AKAP7: variants seen among roughly 807,000 people sequenced by gnomAD.
AKAP7 encodes the protein A-kinase anchoring protein 7, also known as A kinase (PRKA) anchor protein 7.
In AKAP7, 39 loss-of-function variants were observed where a neutral mutation model predicts 39.5. That is an observed-to-expected ratio of 0.99 (90% CI 0.76 to 1.29). AKAP7 has a LOEUF of 1.29. AKAP7 is among the 50% of genes most tolerant of loss of function. The pLI, the probability that AKAP7 is intolerant of heterozygous loss-of-function variation, is 0.00. For synonymous variants in AKAP7, 140 were observed against 139.1 expected (o/e 1.01, Z -0.05); for missense variants, 414 against 407.7 (o/e 1.02, Z -0.13).
upstream of AKAP7, among the ~76,000 whole-genome samples, chr6:131,131,555 A>G (rs1006055496): frequency 6.6e-6 from 1 of 151,582 alleles, no homozygotes; most frequent in African/African-American, 2.4e-5. Flanking sequence ...ATGCTTATAA[A>G]AGTTTTATTC....
chr6:131,151,708 T>A (rs975496651), intron 2 of AKAP7, among the ~76,000 whole-genome samples: 4 of 152,186 alleles, frequency 2.6e-5, no homozygotes, highest in Non-Finnish European at 5.9e-5. Context: ...ATTGTGCCAT[T>A]GTACTCTAGC....
At chr6:131,225,179 A>T (rs1447846762) in intron 7 of AKAP7, among the ~76,000 whole-genome samples, 1 of 152,192 alleles carries the variant, frequency 6.6e-6, no homozygotes, top group Non-Finnish European at 1.5e-5. Flanking sequence ...ATTTAAAAAA[A>T]TTCTGTGATT....
At chr6:131,252,791 C>T (rs577385893) in intron 7 of AKAP7, among the ~76,000 whole-genome samples, 23 of 152,232 alleles carry the variant, frequency 1.5e-4, no homozygotes, top group African/African-American at 4.8e-4. Flanking sequence ...CTCGATTGTA[C>T]CGTAACCTCC....
chr6:131,136,543 A>C (rs112133461), intron 1 of AKAP7, among the ~76,000 whole-genome samples: 1 of 152,246 alleles, frequency 6.6e-6, no homozygotes, highest in Non-Finnish European at 1.5e-5. Flanking sequence ...TAGGAAATGC[A>C]TGGGAATGGA....
chr6:131,164,131 G>GT (rs971053229), intron 3 of AKAP7, among the ~76,000 whole-genome samples: 4 of 152,274 alleles, frequency 2.6e-5, no homozygotes, highest in Admixed American at 2.6e-4. Context: ...TCATGAGTCA[G>GT]TTTTTTCTTA....
chr6:131,206,621 A>G (rs963908966), intron 6 of AKAP7, among the ~76,000 whole-genome samples: 3 of 152,184 alleles, frequency 2.0e-5, no homozygotes, highest in African/African-American at 7.2e-5. Flanking sequence ...CAGAACTAGA[A>G]TTGTAATGGA....
intron 5 of AKAP7, among the ~76,000 whole-genome samples, chr6:131,179,445 A>T (rs1804905610): frequency 6.6e-6 from 1 of 152,140 alleles, no homozygotes; most frequent in African/African-American, 2.4e-5. Flanking sequence ...AAGTGCTGAG[A>T]TTACAGGCGT....
chr6:131,258,429 A>G (rs992674584), intron 7 of AKAP7, among the ~76,000 whole-genome samples: 8 of 152,192 alleles, frequency 5.3e-5, no homozygotes, highest in African/African-American at 1.9e-4. Context: ...TCCATAGCTA[A>G]GTCACTGAGA....
At chr6:131,127,148 C>T in the AKAP7 span, among the ~76,000 whole-genome samples, 36 of 152,054 alleles carry the variant, frequency 2.4e-4, no homozygotes, top group African/African-American at 8.2e-4. Flanking sequence ...TGGATGCAAG[C>T]GATTTTCCTG....
intron 6 of AKAP7, among the ~76,000 whole-genome samples, chr6:131,218,099 T>C (rs1490738799): frequency 6.6e-6 from 1 of 152,240 alleles, no homozygotes; most frequent in Non-Finnish European, 1.5e-5. Flanking sequence ...CTTTTATAAA[T>C]GGACTTACTT....
At chr6:131,246,181 GA>G (rs1424862880) in intron 7 of AKAP7, among the ~76,000 whole-genome samples, 1 of 151,600 alleles carries the variant, frequency 6.6e-6, no homozygotes, top group Non-Finnish European at 1.5e-5. Flanking sequence ...TCATAGTTAA[GA>G]ATTATCTTTT....
At chr6:131,203,239 T>C (rs1807778896) in intron 6 of AKAP7, among the ~76,000 whole-genome samples, 1 of 152,210 alleles carries the variant, frequency 6.6e-6, no homozygotes, top group South Asian at 2.1e-4. Context: ...TATGGTTCCT[T>C]AGTCTCAGTC....
intron 3 of AKAP7, chr6:131,164,318 C>G (rs1803266039): frequency 2.2e-6 from 1 of 452,940 alleles, no homozygotes; most frequent in Non-Finnish European, 4.4e-6. Flanking sequence ...TTCAAATGTA[C>G]TCACATTTAG....
chr6:131,166,822 A>G (rs1803545291), intron 4 of AKAP7, among the ~76,000 whole-genome samples: 1 of 152,116 alleles, frequency 6.6e-6, no homozygotes, highest in Non-Finnish European at 1.5e-5. Flanking sequence ...TTTATCCTAT[A>G]CTGTATGTTA....
chr6:131,235,158 T>A (rs1020300523), intron 7 of AKAP7, among the ~76,000 whole-genome samples: 1 of 152,108 alleles, frequency 6.6e-6, no homozygotes. Flanking sequence ...ACCTGCGGTG[T>A]TTGGTTTTTT....
At chr6:131,145,136 C>A in intron 1 of AKAP7, 149 bp from the exon 2 acceptor site, 1 of 441,380 alleles carries the variant, frequency 2.3e-6, no homozygotes, top group African/African-American at 2.0e-5. Context: ...ATATAAATAG[C>A]TTTATGATAT....
chr6:131,143,901 C>T (rs1801262569), intron 1 of AKAP7, among the ~76,000 whole-genome samples: 1 of 132,748 alleles, frequency 7.5e-6, no homozygotes, highest in Non-Finnish European at 1.6e-5. Flanking sequence ...AGGCAGAGGA[C>T]CCTGCGGCCT....
intron 5 of AKAP7, among the ~76,000 whole-genome samples, chr6:131,174,712 T>G (rs904213095): frequency 6.6e-6 from 1 of 152,260 alleles, no homozygotes; most frequent in Non-Finnish European, 1.5e-5. Flanking sequence ...ATTCTAACTC[T>G]CAGAAGAATA....
At chr6:131,190,139 G>A (rs954128349) in intron 5 of AKAP7, among the ~76,000 whole-genome samples, 1 of 152,092 alleles carries the variant, frequency 6.6e-6, no homozygotes, top group Admixed American at 6.6e-5. Flanking sequence ...GTATTAAGAA[G>A]TACTTTTCAA....
Sources: gnomAD v4.1 joint callset for allele counts (sites outside exome capture counted in the v4.1 genomes callset) on GRCh38, gnomAD v4.1.1 for gene constraint, MANE v1.5 for transcripts, NCBI Gene and HGNC (gene_info 2026-07-23, HGNC 2026-07-21) for gene names.